Variants in C10orf143 observed in about 807,000 individuals in gnomAD.
C10orf143 encodes the protein uncharacterized protein C10orf143.
intron 1 of C10orf143, among the ~76,000 whole-genome samples, chr10:130,081,916 T>C (rs1432095965): frequency 2.0e-5 from 3 of 149,250 alleles, no homozygotes; most frequent in Non-Finnish European, 4.4e-5. Flanking sequence ...AACTATTTTA[T>C]AGAGTTATAC....
chr10:130,078,375 T>C (rs932998257), intron 3 of C10orf143, among the ~76,000 whole-genome samples: 2 of 152,192 alleles, frequency 1.3e-5, no homozygotes, highest in African/African-American at 4.8e-5. Context: ...AAACAAGGAA[T>C]GCAACCCCAA....
chr10:130,082,120 T>G (rs545414757), intron 1 of C10orf143, among the ~76,000 whole-genome samples: 7 of 151,948 alleles, frequency 4.6e-5, no homozygotes, highest in African/African-American at 1.7e-4. Flanking sequence ...AAAATATATA[T>G]GAAAGTTTGG....
intron 3 of C10orf143, among the ~76,000 whole-genome samples, chr10:130,049,114 A>G (rs942948): frequency 0.14 from 21,890 of 152,190 alleles, 2,126 homozygotes; most frequent in Non-Finnish European, 0.21. Context: ...TTTACCCCTG[A>G]GAGACAAGCC....
At chr10:130,038,271 A>G (rs1482993925) in intron 3 of C10orf143, among the ~76,000 whole-genome samples, 1 of 152,148 alleles carries the variant, frequency 6.6e-6, no homozygotes, top group Non-Finnish European at 1.5e-5. Flanking sequence ...CGGGTTCGGG[A>G]CTGCTCATTT....
At chr10:130,095,483 A>G (rs933453646) in intron 1 of C10orf143, among the ~76,000 whole-genome samples, 6 of 152,246 alleles carry the variant, frequency 3.9e-5, no homozygotes, top group Non-Finnish European at 8.8e-5. Flanking sequence ...CCGCATAGCC[A>G]AGACAATCCT....
chr10:130,101,217 GA>G (rs543090683), intron 1 of C10orf143: 1,478 of 135,068 alleles, frequency 0.011, 8 homozygotes, highest in Middle Eastern at 0.015. Context: ...TCTGTCTGGG[GA>G]AAAAAAAAAA....
intron 3 of C10orf143, among the ~76,000 whole-genome samples, chr10:130,044,200 G>A (rs1346992074): frequency 6.6e-6 from 1 of 152,222 alleles, no homozygotes; most frequent in Non-Finnish European, 1.5e-5. Context: ...CCACCCACTG[G>A]TGCACTGTGA....
chr10:130,107,675 A>G (rs1861678513), intron 1 of C10orf143: 1 of 1,298,650 alleles, frequency 7.7e-7, no homozygotes, highest in African/African-American at 1.5e-5. Flanking sequence ...GGGTCCACTC[A>G]GACTCTCACC....
At chr10:130,087,159 G>A (rs1861303917) in intron 1 of C10orf143, among the ~76,000 whole-genome samples, 1 of 146,548 alleles carries the variant, frequency 6.8e-6, no homozygotes. Context: ...GACCACATAC[G>A]ATACTGATCT....
intron 1 of C10orf143, among the ~76,000 whole-genome samples, chr10:130,101,903 A>C (rs987067868): frequency 4.0e-5 from 6 of 148,682 alleles, no homozygotes; most frequent in Non-Finnish European, 1.5e-5. Flanking sequence ...AGAATATAGA[A>C]GTTAAAAAAA....
chr10:130,106,057 AG>A (rs779771126), intron 1 of C10orf143: 3 of 567,170 alleles, frequency 5.3e-6, no homozygotes, highest in Non-Finnish European at 1.0e-5. Context: ...TGTTGGAGCC[AG>A]GGGCTACCCC....
chr10:130,109,338 G>A (rs1366514696), intron 1 of C10orf143, among the ~76,000 whole-genome samples: 1 of 152,100 alleles, frequency 6.6e-6, no homozygotes, highest in Non-Finnish European at 1.5e-5. Context: ...ATGCAGAGGA[G>A]GGTGACACCC....
At chr10:130,043,716 G>A (rs1860633441) in intron 3 of C10orf143, among the ~76,000 whole-genome samples, 1 of 152,214 alleles carries the variant, frequency 6.6e-6, no homozygotes, top group Admixed American at 6.5e-5. Context: ...CGAGGGGTGT[G>A]GTCTTCCAGA....
chr10:130,098,739 G>A (rs754986002), intron 1 of C10orf143, among the ~76,000 whole-genome samples: 8 of 152,182 alleles, frequency 5.3e-5, no homozygotes, highest in Non-Finnish European at 1.0e-4. Context: ...CCTCCTTGCC[G>A]ATCCTAACCT....
At chr10:130,045,250 C>T (rs1276893632) in intron 3 of C10orf143, among the ~76,000 whole-genome samples, 1 of 152,246 alleles carries the variant, frequency 6.6e-6, no homozygotes, top group Non-Finnish European at 1.5e-5. Context: ...TGGGCAGGCA[C>T]CTCGCCAGGC....
At chr10:130,087,715 T>TTTGG (rs1478219822) in intron 1 of C10orf143, among the ~76,000 whole-genome samples, 1 of 152,188 alleles carries the variant, frequency 6.6e-6, no homozygotes, top group African/African-American at 2.4e-5. Flanking sequence ...GATTCAAAGC[T>TTTGG]TTGGTTTCTG....
chr10:130,096,308 T>C (rs112493955), intron 1 of C10orf143, among the ~76,000 whole-genome samples: 8,129 of 151,858 alleles, frequency 0.054, 709 homozygotes, highest in African/African-American at 0.19. Context: ...CTGGAGAGGA[T>C]GTGGAGAAAT....
intron 3 of C10orf143, among the ~76,000 whole-genome samples, chr10:130,052,637 A>C (rs1860750111): frequency 6.6e-6 from 1 of 152,230 alleles, no homozygotes; most frequent in African/African-American, 2.4e-5. Flanking sequence ...TACTGTACCT[A>C]TCTAATCACA....
chr10:130,043,102 C>T (rs1445013978), intron 3 of C10orf143, among the ~76,000 whole-genome samples: 1 of 152,096 alleles, frequency 6.6e-6, no homozygotes, highest in Non-Finnish European at 1.5e-5. Context: ...TTGAATTTTC[C>T]ATAACAATAT....
Sources: allele counts gnomAD v4.1 joint callset (sites outside exome capture counted in the v4.1 genomes callset), GRCh38; gene constraint gnomAD v4.1.1; transcripts MANE v1.5; gene names NCBI Gene and HGNC (gene_info 2026-07-23, HGNC 2026-07-21).